The following ARB2A variants were observed in gnomAD, a reference collection of about 807,000 sequenced individuals.
The protein encoded by ARB2A is cotranscriptional regulator ARB2A.
the ARB2A span, among the ~76,000 whole-genome samples, chr5:93,674,817 G>C: frequency 6.6e-6 from 1 of 152,144 alleles, no homozygotes; most frequent in South Asian, 2.1e-4. Context: ...GTTGCTGAAT[G>C]TTCTCAATAA....
At chr5:93,673,585 C>A in the ARB2A span, among the ~76,000 whole-genome samples, 2 of 152,102 alleles carry the variant, frequency 1.3e-5, no homozygotes, top group Non-Finnish European at 2.9e-5. Flanking sequence ...CCACAAACAG[C>A]CCATAGAGAG....
the ARB2A span, among the ~76,000 whole-genome samples, chr5:93,876,706 C>A: frequency 1.7e-4 from 26 of 151,642 alleles, no homozygotes; most frequent in South Asian, 4.0e-3. Context: ...AAAATAGTTT[C>A]AGAAATTAAA....
At chr5:93,897,408 G>C in the ARB2A span, among the ~76,000 whole-genome samples, 1 of 151,812 alleles carries the variant, frequency 6.6e-6, no homozygotes, top group Non-Finnish European at 1.5e-5. Flanking sequence ...AAAATTTTTG[G>C]AAAGTTTGTA....
At chr5:93,884,073 T>A in the ARB2A span, among the ~76,000 whole-genome samples, 1 of 151,310 alleles carries the variant, frequency 6.6e-6, no homozygotes, top group African/African-American at 2.4e-5. Flanking sequence ...ATATGAAAAA[T>A]TTCAAATTCA....
the ARB2A span, among the ~76,000 whole-genome samples, chr5:93,981,224 C>T: frequency 2.6e-5 from 4 of 151,942 alleles, no homozygotes; most frequent in African/African-American, 7.3e-5. Flanking sequence ...TGCACCACCA[C>T]GCCTGGCTAA....
chr5:93,695,057 T>TA, the ARB2A span, among the ~76,000 whole-genome samples: 2 of 152,188 alleles, frequency 1.3e-5, no homozygotes, highest in South Asian at 4.1e-4. Flanking sequence ...ATTAAAGACT[T>TA]AAACATAAGA....
chr5:93,642,848 CAATT>C, the ARB2A span, among the ~76,000 whole-genome samples: 7 of 152,130 alleles, frequency 4.6e-5, no homozygotes, highest in African/African-American at 1.7e-4. Flanking sequence ...GAGGGATACA[CAATT>C]GATTATGATT....
At chr5:93,892,395 A>G in the ARB2A span, among the ~76,000 whole-genome samples, 1 of 152,236 alleles carries the variant, frequency 6.6e-6, no homozygotes, top group African/African-American at 2.4e-5. Flanking sequence ...AAAAGAGAAT[A>G]CAAAAAGAAT....
the ARB2A span, among the ~76,000 whole-genome samples, chr5:93,643,540 G>A: frequency 2.0e-5 from 3 of 152,088 alleles, no homozygotes; most frequent in African/African-American, 4.8e-5. Flanking sequence ...TGTTGCCCAG[G>A]CTGGAGTGCA....
the ARB2A span, among the ~76,000 whole-genome samples, chr5:93,903,366 A>G: frequency 2.6e-5 from 4 of 152,094 alleles, no homozygotes; most frequent in Non-Finnish European, 1.5e-5. Context: ...TTCAGACATC[A>G]GCAATAACAA....
At chr5:94,002,472 C>A in the ARB2A span, among the ~76,000 whole-genome samples, 1 of 151,802 alleles carries the variant, frequency 6.6e-6, no homozygotes, top group African/African-American at 2.4e-5. Context: ...TGCCAGCACT[C>A]GTTCCCTTGG....
chr5:93,890,119 T>C, the ARB2A span, among the ~76,000 whole-genome samples: 1 of 152,104 alleles, frequency 6.6e-6, no homozygotes, highest in East Asian at 1.9e-4. Flanking sequence ...AAATGTTTCA[T>C]GCCTCTGCTT....
the ARB2A span, among the ~76,000 whole-genome samples, chr5:93,698,833 C>T: frequency 6.6e-6 from 1 of 152,082 alleles, no homozygotes; most frequent in Non-Finnish European, 1.5e-5. Context: ...ATGAAGCTTA[C>T]AGTTTATTGT....
chr5:94,107,675 TACTC>T, the ARB2A span, among the ~76,000 whole-genome samples: 1 of 152,200 alleles, frequency 6.6e-6, no homozygotes, highest in Non-Finnish European at 1.5e-5. Flanking sequence ...ACACTCAAAT[TACTC>T]AGTTGAACTC....
the ARB2A span, among the ~76,000 whole-genome samples, chr5:94,054,813 C>G: frequency 1.3e-4 from 20 of 152,202 alleles, no homozygotes; most frequent in African/African-American, 4.6e-4. Context: ...TTATTTATAT[C>G]AGTATGGACT....
the ARB2A span, among the ~76,000 whole-genome samples, chr5:94,002,842 C>T: frequency 0.1 from 15,554 of 151,866 alleles, 1,066 homozygotes; most frequent in South Asian, 0.32. Context: ...GGATCGAGTC[C>T]AGCATCTCAG....
the ARB2A span, among the ~76,000 whole-genome samples, chr5:93,935,033 G>A: frequency 4.6e-5 from 7 of 152,054 alleles, no homozygotes; most frequent in African/African-American, 1.7e-4. Context: ...CTAGGAGGAC[G>A]CAAAGGCATA....
At chr5:93,698,515 C>T in the ARB2A span, among the ~76,000 whole-genome samples, 2 of 151,894 alleles carry the variant, frequency 1.3e-5, no homozygotes, top group East Asian at 1.9e-4. Flanking sequence ...TAGGAAACAC[C>T]GAGAAGGTGA....
the ARB2A span, among the ~76,000 whole-genome samples, chr5:93,841,756 A>G: frequency 1.2e-4 from 19 of 152,356 alleles, no homozygotes; most frequent in Non-Finnish European, 1.5e-4. Context: ...CCATGCAGGC[A>G]TAACGAGTAT....
Sources: gnomAD v4.1 joint callset for allele counts (sites outside exome capture counted in the v4.1 genomes callset) on GRCh38, gnomAD v4.1.1 for gene constraint, MANE v1.5 for transcripts, NCBI Gene and HGNC (gene_info 2026-07-23, HGNC 2026-07-21) for gene names.